The following DCAF4 variants were observed in gnomAD, a reference collection of about 807,000 sequenced individuals.
The protein encoded by DCAF4 is DDB1- and CUL4-associated factor 4.
In DCAF4, 37 loss-of-function variants were observed where a neutral mutation model predicts 60.9. The observed-to-expected ratio is 0.61, with a 90% CI of 0.47 to 0.80. The LOEUF (loss-of-function observed/expected upper bound fraction) is 0.80, where lower values mean the gene tolerates loss of function less well. Among genes scored for constraint, DCAF4 ranks in the 30% least tolerant of loss-of-function variants. The probability of loss-of-function intolerance (pLI) is 0.00; values close to 1 mark genes in which losing one functional copy is unlikely to be tolerated. For missense variants in DCAF4, 577 were observed against 650.0 expected (o/e 0.89, Z 1.22); for synonymous variants, 243 against 254.8 (o/e 0.95, Z 0.44).
chr14:72,947,649 C>T (rs926770488), intron 8 of DCAF4, among the ~76,000 whole-genome samples: 1 of 152,224 alleles, frequency 6.6e-6, no homozygotes, highest in Non-Finnish European at 1.5e-5. Flanking sequence ...GGAAGCCCAG[C>T]TCCTCCTGAG....
chr14:72,958,701 G>A lies in DCAF4; in HGVS notation c.1384G>A (p.Asp462Asn), dbSNP rs1253523857. 3 of 1,614,006 alleles carry A rather than the reference G, an allele frequency of 1.9e-6. No homozygotes were observed. Among genetic ancestry groups the A allele is most frequent in the East Asian group, 2.2e-5 (1 of 44,894 alleles). The stretch of plus-strand genomic sequence containing the variant: ...CTCCCCGTACCCTGCCTCCAAGGCC[G>A]ACATTCCCAGTGTGGCCTTCTCGTC... Reference protein sequence around the residue: ...IPSPYPASKADIPSVAFSSRL... With the variant: ...IPSPYPASKANIPSVAFSSRL... The change falls in exon 14 of 14, where the codon GAC (aspartate) becomes AAC (asparagine). Residue 462 changes from aspartate (D) to asparagine (N), a missense_variant. Coordinates refer to ENST00000358377, the MANE Select transcript of DCAF4 (RefSeq NM_015604.4).
chr14:72,947,891 T>C (rs1890944524), intron 8 of DCAF4, among the ~76,000 whole-genome samples: 1 of 152,172 alleles, frequency 6.6e-6, no homozygotes, highest in Admixed American at 6.5e-5. Flanking sequence ...GTCCCTGGCC[T>C]CTGGGACCCT....
At chr14:72,953,003 T>TG (rs1488941269) in intron 9 of DCAF4, among the ~76,000 whole-genome samples, 1 of 130,226 alleles carries the variant, frequency 7.7e-6, no homozygotes, top group African/African-American at 2.9e-5. Flanking sequence ...TTTTTTTTTT[T>TG]TTTTTTTTTT....
intron 4 of DCAF4, 147 bp from the exon 5 acceptor site, chr14:72,941,598 A>G: frequency 1.4e-6 from 1 of 703,292 alleles, no homozygotes; most frequent in East Asian, 2.7e-5. Flanking sequence ...AGACTTGGAA[A>G]GGACACCGTC....
At chr14:72,944,621 C>T (rs924756418) in intron 6 of DCAF4, among the ~76,000 whole-genome samples, 15 of 152,052 alleles carry the variant, frequency 9.9e-5, no homozygotes, top group Middle Eastern at 3.4e-3. Context: ...GGGTAAACCC[C>T]GTCTCTACAA....
rs752304788 is a variant in DCAF4 at position 72,940,335 on chromosome 14, C to A, written c.309C>A (p.Ser103Arg). ...GCATCCGGCAGAAGGAGATGGAGAG[C>A]AAGAGACTGCGGCTGCTCCAGGAAG... ...KESIRQKEME[S>R]KRLRLLQEED... Residue 103 changes from serine (S) to arginine (R), a missense_variant, in exon 4 of 14, where the codon AGC becomes AGA. Ser to Arg is a moderately radical substitution (Grantham distance 110, BLOSUM62 -1). Coordinates refer to ENST00000358377, the MANE Select transcript of DCAF4 (RefSeq NM_015604.4). 6.2e-7 allele frequency: 1 copy of A among 1,613,876 alleles called. No homozygotes were observed. Among genetic ancestry groups the A allele is most frequent in the African/African-American group, 1.3e-5 (1 of 74,994 alleles).
At chr14:72,928,597 A>G (rs202043635) in intron 1 of DCAF4, among the ~76,000 whole-genome samples, 1 of 10,146 alleles carries the variant, frequency 9.9e-5, no homozygotes, top group Non-Finnish European at 5.3e-4. Flanking sequence ...ATATATATAT[A>G]TATATATATA....
rs1594775446 is a variant in DCAF4, at chr14:72,947,011, T to C, written c.679-131T>C. 3.3e-5 allele frequency: 41 copies of C among 1,238,550 alleles called. No homozygotes were observed. The East Asian group carries it at 9.6e-4, about 29-fold the overall frequency. 76.7% of individuals were successfully genotyped at this position (1,238,550 alleles called of 1,614,324 possible). The stretch of plus-strand genomic sequence containing the variant: ...GCTTAAGCCCCACCCTCAGAATGCT[T>C]GTTCCAGCCCATTTGAAGAGGAGCA... On this transcript the variant is annotated intron_variant, in intron 7 of 13. Transcript: ENST00000358377.
At position 72,955,419 on chromosome 14, in the gene DCAF4, C is replaced by T. The variant is rs998805624; in HGVS notation, c.1006-104C>T. ...ACCAGCACGTGTCTAATCACACCGT[C>T]TGACCCAGAGGCTGGAAGAGGGGTT... On this transcript the variant is annotated intron_variant, in intron 11 of 13. Coordinates refer to ENST00000358377, the MANE Select transcript of DCAF4 (RefSeq NM_015604.4). 7 of 1,384,262 alleles carry T rather than the reference C, an allele frequency of 5.1e-6. No homozygotes were observed. In the African/African-American group the frequency reaches 7.2e-5, roughly 14 times the overall value. The allele number at this position is 1,384,262 out of a possible 1,614,324, so 85.7% of individuals were successfully genotyped here.
intron 5 of DCAF4, chr14:72,942,241 A>T (rs1890131334): frequency 6.1e-6 from 1 of 164,288 alleles, no homozygotes; most frequent in African/African-American, 2.4e-5. Flanking sequence ...GATGGCTGAT[A>T]CAATTCTAAC....
chr14:72,960,748 G>T, downstream of DCAF4: 1 of 984,796 alleles, frequency 1.0e-6, no homozygotes, highest in Non-Finnish European at 1.3e-6. Context: ...CTGGGCCATA[G>T]CAAAGCCTGG....
chr14:72,958,495 GT>G, intron 13 of DCAF4, 116 bp from the exon 14 acceptor site: 1 of 1,216,512 alleles, frequency 8.2e-7, no homozygotes. Context: ...ATGAGTTTGT[GT>G]TTTGGCTCAC....
intron 1 of DCAF4, among the ~76,000 whole-genome samples, chr14:72,934,452 C>T (rs988783340): frequency 1.3e-5 from 2 of 151,918 alleles, no homozygotes; most frequent in Non-Finnish European, 2.9e-5. Context: ...CTGCACCCGG[C>T]CTAATTTTTG....
intron 8 of DCAF4, among the ~76,000 whole-genome samples, chr14:72,950,399 G>A (rs565445652): frequency 5.9e-5 from 9 of 152,130 alleles, no homozygotes; most frequent in Non-Finnish European, 1.2e-4. Flanking sequence ...GTAGAAATTG[G>A]GCTACATGGC....
intron 3 of DCAF4, 83 bp from the exon 4 acceptor site, chr14:72,940,136 TG>T: frequency 1.3e-6 from 2 of 1,545,914 alleles, no homozygotes; most frequent in Non-Finnish European, 1.8e-6. Flanking sequence ...AGCCACGAGG[TG>T]GGGGGACAGG....
At position 72,954,269 on chromosome 14, in the gene DCAF4, C is replaced by T. The variant is rs1449513785; in HGVS notation, c.907+7C>T. On this transcript the variant is annotated splice_region_variant and intron_variant, in intron 10 of 13. Coordinates refer to ENST00000358377, the MANE Select transcript of DCAF4 (RefSeq NM_015604.4). ...AATAACTGCTTCAGTACAGGTGAGC[C>T]TGGCTCCCCAGGTGCCCAGAGAAGA... The T allele has an allele frequency of 5.6e-6, 9 of 1,614,062 alleles. No individual in the cohort carries two copies. Among genetic ancestry groups the T allele is most frequent in the Non-Finnish European group, 7.6e-6 (9 of 1,180,034 alleles).
chr14:72,926,518 G>A lies in DCAF4; in HGVS notation c.-34G>A, dbSNP rs1304525881. 1 of 152,374 alleles carries A rather than the reference G, an allele frequency of 6.6e-6. No homozygotes were observed. The highest frequency in any genetic ancestry group is 1.5e-5 in the Non-Finnish European group (1 of 68,152). The allele number at this position is 152,374 out of a possible 1,614,324, so 9.4% of individuals were successfully genotyped here. On this transcript the variant is annotated 5_prime_UTR_variant, in exon 1 of 14. Transcript: ENST00000358377. ...ACTCCTGCAGAGCTGAGCCGGAGGG[G>A]AATCCGGAAGGGACACGCTGAACAG...
At chr14:72,934,579 C>T (rs1023676826) in intron 1 of DCAF4, among the ~76,000 whole-genome samples, 5 of 152,282 alleles carry the variant, frequency 3.3e-5, no homozygotes, top group South Asian at 2.1e-4. Flanking sequence ...CGTGAACCAC[C>T]ACGCCGGGCT....
Position 72,955,552 on chromosome 14 carries a change from T to C in DCAF4, c.1035T>C (p.Ser345=). 2 of 1,614,118 alleles carry C rather than the reference T, an allele frequency of 1.2e-6. No individual in the cohort carries two copies. The highest frequency in any genetic ancestry group is 1.7e-6 in the Non-Finnish European group (2 of 1,179,990). ...MAPLLFNGCR[S]GEIFAIDLRC... is the part of the protein sequence containing the mutation. ...CTCTGCTGTTTAATGGCTGCCGCTCTGGGGAAATCTTTGCCATTGATCTGC... is the reference window on the plus strand; with the variant it reads ...CTCTGCTGTTTAATGGCTGCCGCTCCGGGGAAATCTTTGCCATTGATCTGC... The change falls in exon 12 of 14, where the codon TCT becomes TCC. Residue 345 remains serine, a synonymous_variant. Transcript: ENST00000358377.
Sources: allele counts gnomAD v4.1 joint callset (sites outside exome capture counted in the v4.1 genomes callset), GRCh38; gene constraint gnomAD v4.1.1; transcripts MANE v1.5; gene names NCBI Gene and HGNC (gene_info 2026-07-23, HGNC 2026-07-21).